The following TBC1D9 variants were observed in gnomAD, a reference collection of about 807,000 sequenced individuals.
TBC1D9 encodes the protein TBC1 domain family member 9, also known as TBC1 domain family member 9A.
Under a neutral mutation model 132.0 loss-of-function variants are expected in TBC1D9, and 63 were observed. The ratio of observed to expected loss-of-function variants is 0.48; its 90% CI spans 0.39 to 0.59. The LOEUF is 0.59. Among genes scored for constraint, TBC1D9 ranks in the 20% least tolerant of loss-of-function variants. TBC1D9 has a pLI of 0.00. For synonymous variants in TBC1D9, 610 were observed against 609.9 expected (o/e 1.00, Z 0.00); for missense variants, 1,261 against 1,592.7 (o/e 0.79, Z 3.54).
chr4:140,678,076 T>A (rs901027789), intron 5 of TBC1D9, among the ~76,000 whole-genome samples: 2 of 152,170 alleles, frequency 1.3e-5, no homozygotes, highest in Admixed American at 1.3e-4. Context: ...ATGAAGTCTG[T>A]ATTTGCCTAG....
chr4:140,753,249 C>T (rs1211541384), intron 1 of TBC1D9, among the ~76,000 whole-genome samples: 2 of 151,944 alleles, frequency 1.3e-5, no homozygotes, highest in Non-Finnish European at 2.9e-5. Context: ...CTCTTTCCAG[C>T]TAGATTCTTT....
At chr4:140,627,353 T>C (rs1736725144) in intron 18 of TBC1D9, 88 bp downstream of exon 18, 1 of 808,146 alleles carries the variant, frequency 1.2e-6, no homozygotes, top group African/African-American at 1.7e-5. Flanking sequence ...CTTCTTTGAT[T>C]GACTAGCTTT....
chr4:140,678,985 T>G lies in TBC1D9; in HGVS notation c.808A>C (p.Lys270Gln), dbSNP rs1475591683. The change falls in exon 5 of 21, where the codon AAA (lysine) becomes CAA (glutamine). Residue 270 changes from lysine (K) to glutamine (Q), a missense_variant. Lys to Gln is a moderately conservative substitution (Grantham distance 53). Coordinates refer to ENST00000442267, the MANE Select transcript of TBC1D9 (RefSeq NM_015130.3). ...TTTTTAGGAGATTTCCTTTTGAGTTTGGGCAGGGATCGATCTTGTTCAAAT... is the reference window on the plus strand; with the variant it reads ...TTTTTAGGAGATTTCCTTTTGAGTTGGGGCAGGGATCGATCTTGTTCAAAT... Reference protein sequence around the residue: ...EGFEQDRSLPKLKRKSPKKVS... With the variant: ...EGFEQDRSLPQLKRKSPKKVS... 4 of 1,613,922 alleles carry G rather than the reference T, an allele frequency of 2.5e-6. No homozygotes were observed. In the East Asian group the frequency reaches 8.9e-5, roughly 36 times the overall value.
chr4:140,632,202 T>C (rs1736804803), intron 16 of TBC1D9, among the ~76,000 whole-genome samples: 1 of 152,138 alleles, frequency 6.6e-6, no homozygotes, highest in Non-Finnish European at 1.5e-5. Context: ...TTTGTTTATT[T>C]CTGTCACTTT....
intron 16 of TBC1D9, among the ~76,000 whole-genome samples, chr4:140,631,535 G>A (rs1396292182): frequency 1.3e-5 from 2 of 151,778 alleles, no homozygotes; most frequent in Non-Finnish European, 2.9e-5. Flanking sequence ...ATTTCTAGAG[G>A]GATCTCTCTG....
At chr4:140,731,815 A>G (rs1738595876) in intron 1 of TBC1D9, among the ~76,000 whole-genome samples, 1 of 152,154 alleles carries the variant, frequency 6.6e-6, no homozygotes, top group African/African-American at 2.4e-5. Flanking sequence ...CGCTGGTGGA[A>G]TTTGGTCTCA....
intron 1 of TBC1D9, among the ~76,000 whole-genome samples, chr4:140,714,282 T>A (rs1288800278): frequency 6.6e-6 from 1 of 152,226 alleles, no homozygotes; most frequent in Admixed American, 6.5e-5. Flanking sequence ...CCTGAGAACA[T>A]GTACCCATGG....
intron 6 of TBC1D9, among the ~76,000 whole-genome samples, chr4:140,672,411 A>T (rs1184380392): frequency 6.6e-6 from 1 of 152,102 alleles, no homozygotes; most frequent in Non-Finnish European, 1.5e-5. Flanking sequence ...TAAGGCATGT[A>T]TTAAAGAATA....
At chr4:140,678,848 CCTTGA>C in intron 5 of TBC1D9, 89 bp downstream of exon 5, 1 of 1,434,672 alleles carries the variant, frequency 7.0e-7, no homozygotes, top group Admixed American at 2.0e-5. Context: ...TGTTCAGAAC[CCTTGA>C]AGATCGTCAG....
chr4:140,743,785 C>T (rs987172824), intron 1 of TBC1D9, among the ~76,000 whole-genome samples: 2 of 152,182 alleles, frequency 1.3e-5, no homozygotes, highest in African/African-American at 4.8e-5. Context: ...AACCATATCA[C>T]AATTCACAAT....
In TBC1D9 at chr4:140,661,944, C is replaced by T; in HGVS notation, c.1752G>A (p.Arg584=). The T allele has an allele frequency of 6.2e-7, 1 of 1,614,002 alleles. No homozygotes were observed. The highest frequency in any genetic ancestry group is 2.2e-5 in the East Asian group (1 of 44,874). Residue 584 remains arginine, a synonymous_variant, in exon 10 of 21, where the codon AGG becomes AGA. Transcript: ENST00000442267. ...FQNEMGIAAL[R]RVLTAYAFRN... is the part of the protein sequence containing the mutation. ...GAAAAGCATAAGCTGTTAAGACTCT[C>T]CTTAGTGCAGCAATGCCCATTTCAT...
chr4:140,631,799 G>A (rs1301457230), intron 16 of TBC1D9, among the ~76,000 whole-genome samples: 4 of 152,012 alleles, frequency 2.6e-5, no homozygotes, highest in Non-Finnish European at 5.9e-5. Context: ...GTCTTACCAC[G>A]TTGGCCAGGA....
chr4:140,678,359 C>T (rs932464416), intron 5 of TBC1D9, among the ~76,000 whole-genome samples: 11 of 152,168 alleles, frequency 7.2e-5, no homozygotes, highest in Non-Finnish European at 1.5e-4. Context: ...TCTCTCATTC[C>T]CTGTGTTGAT....
chr4:140,680,900 T>C lies in TBC1D9; in HGVS notation c.361-1057A>G, dbSNP rs536115788. ...TTTGACCACAAAATTCTTACCAAAATACTTAGTGGTTTCTAACCACCACCA... is the reference window on the plus strand; with the variant it reads ...TTTGACCACAAAATTCTTACCAAAACACTTAGTGGTTTCTAACCACCACCA... On this transcript the variant is annotated intron_variant, in intron 3 of 20. Transcript: ENST00000442267. Among the ~76,000 whole-genome samples the C allele has an allele frequency of 2.2e-4, 34 of 152,332 alleles. 1 individual carries two copies. In the South Asian group the frequency reaches 6.8e-3, roughly 31 times the overall value.
chr4:140,748,193 A>G (rs1379837192), intron 1 of TBC1D9, among the ~76,000 whole-genome samples: 1 of 152,256 alleles, frequency 6.6e-6, no homozygotes, highest in African/African-American at 2.4e-5. Context: ...TAACAACTGA[A>G]AATTAGACAA....
chr4:140,728,581 C>A (rs1428303860), intron 1 of TBC1D9, among the ~76,000 whole-genome samples: 3 of 152,080 alleles, frequency 2.0e-5, no homozygotes, highest in African/African-American at 7.2e-5. Flanking sequence ...GAAACCTTCA[C>A]CTCCTGGGTT....
intron 6 of TBC1D9, among the ~76,000 whole-genome samples, chr4:140,672,417 G>T (rs570227613): frequency 6.6e-6 from 1 of 152,082 alleles, no homozygotes; most frequent in South Asian, 2.1e-4. Context: ...ATGTATTAAA[G>T]AATACTTATT....
chr4:140,756,299 C>A lies in TBC1D9; in HGVS notation c.-254G>T, dbSNP rs1280571190. On this transcript the variant is annotated 5_prime_UTR_variant, in exon 1 of 21. Coordinates refer to ENST00000442267, the MANE Select transcript of TBC1D9 (RefSeq NM_015130.3). The surrounding 1 kb of genome is among the most constrained non-coding windows in gnomAD (Gnocchi z 5.6). ...CATCCTCCCCGCGGCGTCGCCGCCC[C>A]GCGAGAGCCCGCGGCCGCAGACGCC... 6.6e-6 allele frequency among the ~76,000 whole-genome samples: 1 copy of A among 151,872 alleles called. No homozygotes were observed. Among genetic ancestry groups the A allele is most frequent in the Non-Finnish European group, 1.5e-5 (1 of 67,916 alleles).
chr4:140,714,944 G>A (rs1738306980), intron 1 of TBC1D9, among the ~76,000 whole-genome samples: 1 of 152,124 alleles, frequency 6.6e-6, no homozygotes, highest in African/African-American at 2.4e-5. Flanking sequence ...AACACAGTGA[G>A]ATCCTGTCTC....
Sources: gnomAD v4.1 joint callset for allele counts (sites outside exome capture counted in the v4.1 genomes callset) on GRCh38, gnomAD v4.1.1 for gene constraint, Gnocchi (gnomAD v3.1) non-coding constraint, MANE v1.5 for transcripts, NCBI Gene and HGNC (gene_info 2026-07-23, HGNC 2026-07-21) for gene names.